The following IGSF5 variants were observed in gnomAD, a reference collection of about 807,000 sequenced individuals.
IGSF5 encodes immunoglobulin superfamily 5 like.
IGSF5 carries 41 observed loss-of-function variants against 39.4 expected under a neutral mutation model. That is an observed-to-expected ratio of 1.04 (90% confidence interval 0.81 to 1.35). IGSF5 has a LOEUF of 1.35. Among genes scored for constraint, IGSF5 ranks in the 40% most tolerant of loss-of-function variants. IGSF5 has a pLI of 0.00. For missense variants in IGSF5, 487 were observed against 494.6 expected, an observed-to-expected ratio of 0.98 and a Z score of 0.15; for synonymous variants, 183 against 175.3, an observed-to-expected ratio of 1.04 and a Z score of -0.34.
intron 2 of IGSF5, among the ~76,000 whole-genome samples, chr21:39,756,696 C>A (rs1010436039): frequency 1.3e-5 from 2 of 152,046 alleles, no homozygotes. Flanking sequence ...TGTTGTTTTG[C>A]GGGTGGTTCA....
upstream of IGSF5, among the ~76,000 whole-genome samples, chr21:39,741,100 T>C (rs531613301): frequency 1.5e-3 from 223 of 152,060 alleles, 1 homozygote; most frequent in Non-Finnish European, 2.5e-3. Flanking sequence ...TTTTTTTTTT[T>C]CTTTGTTTGT....
the IGSF5 span, among the ~76,000 whole-genome samples, chr21:39,733,218 A>G: frequency 6.6e-6 from 1 of 152,146 alleles, no homozygotes; most frequent in Non-Finnish European, 1.5e-5. Flanking sequence ...GGGTATTCTT[A>G]TGATGTATTT....
At chr21:39,765,158 C>T (rs1244790621) in intron 2 of IGSF5, among the ~76,000 whole-genome samples, 1 of 152,172 alleles carries the variant, frequency 6.6e-6, no homozygotes, top group Admixed American at 6.5e-5. Context: ...TATAGGGACA[C>T]CTGTGAGTGG....
chr21:39,747,723 G>C (rs2079982722), intron 2 of IGSF5, among the ~76,000 whole-genome samples: 1 of 152,260 alleles, frequency 6.6e-6, no homozygotes, highest in South Asian at 2.1e-4. Context: ...GAATAGATAG[G>C]AAGTCTAGGT....
chr21:39,715,333 G>A, the IGSF5 span, among the ~76,000 whole-genome samples: 1 of 152,034 alleles, frequency 6.6e-6, no homozygotes, highest in Non-Finnish European at 1.5e-5. Context: ...TGCTCAGGCT[G>A]GTCTTGGACT....
At chr21:39,767,887 A>T (rs943998822) in intron 3 of IGSF5, among the ~76,000 whole-genome samples, 5 of 152,194 alleles carry the variant, frequency 3.3e-5, no homozygotes, top group African/African-American at 1.2e-4. Flanking sequence ...AGGTCTGTAG[A>T]TGGTAGACAG....
intron 4 of IGSF5, among the ~76,000 whole-genome samples, chr21:39,777,610 C>G (rs1054160054): frequency 4.6e-5 from 7 of 152,030 alleles, no homozygotes; most frequent in African/African-American, 1.7e-4. Context: ...AAGTCTCTAT[C>G]TATTCCAGCT....
chr21:39,752,584 C>T (rs1174851945), intron 2 of IGSF5, among the ~76,000 whole-genome samples: 2 of 152,176 alleles, frequency 1.3e-5, no homozygotes, highest in African/African-American at 2.4e-5. Flanking sequence ...TTTAAGGAAC[C>T]TCCTACTGTT....
chr21:39,771,471 T>C, intron 4 of IGSF5, among the ~76,000 whole-genome samples: 1 of 152,192 alleles, frequency 6.6e-6, no homozygotes, highest in East Asian at 1.9e-4. Flanking sequence ...TTATTTATCA[T>C]CAAAGAGCAT....
At chr21:39,727,179 C>T in the IGSF5 span, among the ~76,000 whole-genome samples, 8 of 152,212 alleles carry the variant, frequency 5.3e-5, no homozygotes, top group African/African-American at 1.4e-4. Context: ...ATTTTGCTTC[C>T]TATCCCTGAG....
At chr21:39,769,547 C>G (rs578179537) in intron 3 of IGSF5, among the ~76,000 whole-genome samples, 9 of 150,102 alleles carry the variant, frequency 6.0e-5, no homozygotes, top group Admixed American at 2.0e-4. Flanking sequence ...TCTGAAAAAG[C>G]TATTAAATAC....
the IGSF5 span, among the ~76,000 whole-genome samples, chr21:39,720,381 C>T: frequency 3.9e-5 from 6 of 152,306 alleles, no homozygotes; most frequent in East Asian, 1.9e-4. Flanking sequence ...CAGTTCCTAA[C>T]GGGCCACAGA....
At chr21:39,778,489 T>A (rs531584816) in intron 4 of IGSF5, among the ~76,000 whole-genome samples, 2 of 152,274 alleles carry the variant, frequency 1.3e-5, no homozygotes, top group East Asian at 3.9e-4. Context: ...GAGTGCAACA[T>A]ACACACTAAG....
chr21:39,774,279 C>T lies in IGSF5; in HGVS notation c.718+3064C>T, dbSNP rs1489866860. Among the ~76,000 whole-genome samples, 4 of 152,226 alleles carry T rather than the reference C, an allele frequency of 2.6e-5. No individual in the cohort carries two copies. The East Asian group carries it at 7.7e-4, about 29-fold the overall frequency. On this transcript the variant is annotated intron_variant, in intron 4 of 8. Transcript: ENST00000380588. ...GGCTGTAAGGAGAACAGCCAGGTTT[C>T]CAGAGAGCCAAGTGTTAATGGGGCT...
At chr21:39,737,754 G>A in the IGSF5 span, among the ~76,000 whole-genome samples, 1 of 152,190 alleles carries the variant, frequency 6.6e-6, no homozygotes, top group Non-Finnish European at 1.5e-5. Context: ...GGACAGGTGT[G>A]TTGAAATGAG....
chr21:39,769,622 A>G (rs1441277401), intron 3 of IGSF5, among the ~76,000 whole-genome samples: 1 of 152,170 alleles, frequency 6.6e-6, no homozygotes, highest in Non-Finnish European at 1.5e-5. Context: ...CAAACAAAGC[A>G]GTATATTGCA....
the IGSF5 span, among the ~76,000 whole-genome samples, chr21:39,722,077 A>C: frequency 1.3e-5 from 2 of 152,222 alleles, no homozygotes; most frequent in Non-Finnish European, 2.9e-5. Context: ...AATGGATGCC[A>C]GGTGGGACTT....
At chr21:39,717,849 T>C in the IGSF5 span, among the ~76,000 whole-genome samples, 1 of 152,226 alleles carries the variant, frequency 6.6e-6, no homozygotes, top group African/African-American at 2.4e-5. Flanking sequence ...ATATAAGTTT[T>C]AAAATATTTT....
chr21:39,757,059 G>GT (rs2146274756), intron 2 of IGSF5, among the ~76,000 whole-genome samples: 1 of 150,644 alleles, frequency 6.6e-6, no homozygotes, highest in African/African-American at 2.4e-5. Context: ...GAGAGCCTTA[G>GT]TACCTGCTCT....
Sources: gnomAD v4.1 joint callset for allele counts (sites outside exome capture counted in the v4.1 genomes callset) on GRCh38, gnomAD v4.1.1 for gene constraint, MANE v1.5 for transcripts, NCBI Gene and HGNC (gene_info 2026-07-23, HGNC 2026-07-21) for gene names.